Variants in HECW2 observed in about 807,000 individuals in gnomAD.
HECW2 encodes the protein HECT, C2 and WW domain containing E3 ubiquitin protein ligase 2, also known as E3 ubiquitin-protein ligase HECW2.
Under a neutral mutation model 175.2 loss-of-function variants are expected in HECW2, and 61 were observed. The observed-to-expected ratio is 0.35, with a 90% confidence interval of 0.28 to 0.43. The LOEUF (loss-of-function observed/expected upper bound fraction) is 0.43, where lower values mean the gene tolerates loss of function less well. Among genes scored for constraint, HECW2 ranks in the 20% least tolerant of loss-of-function variants. The pLI is 1.00. For missense variants in HECW2, 1,524 were observed against 2,000.5 expected (o/e 0.76, Z 4.54); for synonymous variants, 671 against 731.0 (o/e 0.92, Z 1.32).
intron 28 of HECW2, among the ~76,000 whole-genome samples, chr2:196,203,898 C>T (rs902527705): frequency 2.0e-5 from 3 of 152,158 alleles, no homozygotes; most frequent in African/African-American, 7.2e-5. Flanking sequence ...CTGGAAACCA[C>T]CATTCTACTT....
intron 1 of HECW2, among the ~76,000 whole-genome samples, chr2:196,570,903 C>T (rs1009038486): frequency 9.9e-5 from 15 of 152,254 alleles, no homozygotes; most frequent in Non-Finnish European, 2.1e-4. Flanking sequence ...ATTTGCTTCA[C>T]GGACTTATGT....
intron 6 of HECW2, among the ~76,000 whole-genome samples, chr2:196,323,905 TTTGTTTTTTGTTTG>T (rs1692043447): frequency 8.8e-6 from 1 of 113,978 alleles, no homozygotes; most frequent in Non-Finnish European, 1.6e-5. Context: ...AAGAGTTTTT[TTTGTTTTTTGTTTG>T]TTTTTTTTTT....
chr2:196,270,006 A>C (rs1276723058), intron 17 of HECW2, among the ~76,000 whole-genome samples: 1 of 152,206 alleles, frequency 6.6e-6, no homozygotes, highest in Non-Finnish European at 1.5e-5. Flanking sequence ...GTATTATATA[A>C]AGCTTCCCAG....
rs1208909954 is a variant in HECW2, at chr2:196,319,740, G to A, written c.1150C>T (p.His384Tyr). ...EDSAADGTPK[H>Y]SFRTSSTLEI... The stretch of plus-strand genomic sequence containing the variant: ...AGAGTGGAGCTAGTCCTGAATGAAT[G>A]CTTGGGGGTTCCATCGGCAGCACTG... Residue 384 changes from histidine (H) to tyrosine (Y), a missense_variant, in exon 9 of 29, where the codon CAT (histidine) becomes TAT (tyrosine). Physicochemically the swap from His to Tyr is moderately conservative, Grantham distance 83 (BLOSUM62 2). Coordinates refer to ENST00000644978, the MANE Select transcript of HECW2 (RefSeq NM_001348768.2). 6.2e-7 allele frequency: 1 copy of A among 1,614,190 alleles called. No homozygotes were observed. Among genetic ancestry groups the A allele is most frequent in the African/African-American group, 1.3e-5 (1 of 75,048 alleles).
At chr2:196,204,673 T>A (rs113261415) in intron 28 of HECW2, among the ~76,000 whole-genome samples, 309 of 152,314 alleles carry the variant, frequency 2.0e-3, no homozygotes, top group Middle Eastern at 3.4e-3. Context: ...CATAAATGTG[T>A]GTTGTTTTAC....
At chr2:196,243,494 G>A (rs571888539) in intron 19 of HECW2, among the ~76,000 whole-genome samples, 1 of 152,022 alleles carries the variant, frequency 6.6e-6, no homozygotes, top group Non-Finnish European at 1.5e-5. Flanking sequence ...CATGTGCCAA[G>A]TACTGAGAAT....
chr2:196,355,677 T>C (rs568712747), intron 2 of HECW2, among the ~76,000 whole-genome samples: 2 of 152,332 alleles, frequency 1.3e-5, no homozygotes, highest in South Asian at 4.1e-4. Flanking sequence ...AAATATTTAT[T>C]GAGCATCTAC....
intron 1 of HECW2, among the ~76,000 whole-genome samples, chr2:196,459,108 C>T (rs1220144330): frequency 6.6e-6 from 1 of 152,128 alleles, no homozygotes; most frequent in Non-Finnish European, 1.5e-5. Flanking sequence ...AGAAACACCA[C>T]AAGACTATAC....
intron 2 of HECW2, among the ~76,000 whole-genome samples, chr2:196,384,449 G>A (rs1161068428): frequency 6.6e-6 from 1 of 152,004 alleles, no homozygotes; most frequent in Admixed American, 6.6e-5. Flanking sequence ...AAGCATGGTG[G>A]CATCCGCCTG....
At chr2:196,412,258 C>A (rs1194580089) in intron 2 of HECW2, among the ~76,000 whole-genome samples, 1 of 152,162 alleles carries the variant, frequency 6.6e-6, no homozygotes, top group African/African-American at 2.4e-5. Flanking sequence ...GTAGGAAAAT[C>A]TGTTCTAAGC....
At chr2:196,379,402 T>C (rs974011810) in intron 2 of HECW2, among the ~76,000 whole-genome samples, 2 of 152,060 alleles carry the variant, frequency 1.3e-5, no homozygotes, top group African/African-American at 4.8e-5. Context: ...TTATGGCAAC[T>C]TGGCTGGGCG....
At chr2:196,584,168 G>A (rs1040715369) in intron 1 of HECW2, among the ~76,000 whole-genome samples, 11 of 152,230 alleles carry the variant, frequency 7.2e-5, no homozygotes, top group African/African-American at 2.2e-4. Context: ...AAGGGCAATG[G>A]AGACCTGGGG....
At chr2:196,342,252 A>G (rs1361602904) in intron 3 of HECW2, among the ~76,000 whole-genome samples, 1 of 151,938 alleles carries the variant, frequency 6.6e-6, no homozygotes, top group Admixed American at 6.6e-5. Flanking sequence ...TAAAAATACA[A>G]AATTAGCTGG....
intron 1 of HECW2, among the ~76,000 whole-genome samples, chr2:196,497,456 G>A (rs1299204693): frequency 6.6e-6 from 1 of 152,170 alleles, no homozygotes; most frequent in Non-Finnish European, 1.5e-5. Flanking sequence ...TAGAGTAGAA[G>A]GGAGATTGTT....
In HECW2 at chr2:196,196,837, T is replaced by C. The variant is rs545527047; in HGVS notation, c.*4440A>G. ...CTGCCAGCATGGTGGCTCACACCTA[T>C]AATTACTCCTAGCACTTTGGGAGGC... On this transcript the variant is annotated 3_prime_UTR_variant, in exon 29 of 29. Transcript: ENST00000644978. 6.6e-6 allele frequency: 1 copy of C among 152,198 alleles called. No individual in the cohort carries two copies. The highest frequency in any genetic ancestry group is 1.5e-5 in the Non-Finnish European group (1 of 68,226). 9.4% of individuals were successfully genotyped at this position (152,198 alleles called of 1,614,324 possible).
intron 1 of HECW2, among the ~76,000 whole-genome samples, chr2:196,485,522 G>A (rs926314813): frequency 1.3e-5 from 2 of 152,150 alleles, no homozygotes; most frequent in African/African-American, 2.4e-5. Flanking sequence ...ACAGGTGGAG[G>A]TGGAAGGCAG....
rs1358883640 is a variant in HECW2, at chr2:196,194,710, A to G, written c.*6567T>C. ...GTGAAGTGAGAGCTGTATAACCTTA[A>G]TGCTAACAGCAAGCATCTCCCATTA... On this transcript the variant is annotated 3_prime_UTR_variant, in exon 29 of 29. Coordinates refer to ENST00000644978, the MANE Select transcript of HECW2 (RefSeq NM_001348768.2). 6.6e-6 allele frequency: 1 copy of G among 152,224 alleles called. No individual in the cohort carries two copies. The highest frequency in any genetic ancestry group is 1.9e-4 in the East Asian group (1 of 5,206). 9.4% of individuals were successfully genotyped at this position (152,224 alleles called of 1,614,324 possible).
chr2:196,279,613 T>C (rs973487808), intron 14 of HECW2, among the ~76,000 whole-genome samples: 1 of 152,146 alleles, frequency 6.6e-6, no homozygotes, highest in African/African-American at 2.4e-5. Context: ...ACCACCCCAA[T>C]ACAAAGCTTC....
chr2:196,281,444 C>T (rs1257878748), intron 14 of HECW2, among the ~76,000 whole-genome samples: 2 of 152,008 alleles, frequency 1.3e-5, no homozygotes, highest in East Asian at 3.9e-4. Flanking sequence ...TCAAGGCCAG[C>T]CTGGGCAACA....
Sources: allele counts gnomAD v4.1 joint callset (sites outside exome capture counted in the v4.1 genomes callset), GRCh38; gene constraint gnomAD v4.1.1; transcripts MANE v1.5; gene names NCBI Gene and HGNC (gene_info 2026-07-23, HGNC 2026-07-21).